SP100: variants seen among roughly 807,000 people sequenced by gnomAD.
SP100 encodes the protein nuclear autoantigen Sp-100.
A neutral mutation model predicts 130.0 loss-of-function variants in SP100; 84 were observed. The observed-to-expected ratio is 0.65, with a 90% CI of 0.54 to 0.77. The LOEUF is 0.77. Ranked by LOEUF, SP100 falls within the 30% of genes least tolerant of loss-of-function variation. SP100 has a pLI of 0.00. For missense variants in SP100, 978 were observed against 1,052.2 expected (o/e 0.93, Z 0.97); for synonymous variants, 331 against 351.7 (o/e 0.94, Z 0.66).
chr2:230,489,489 A>G (rs2066282654), intron 17 of SP100, among the ~76,000 whole-genome samples: 1 of 150,142 alleles, frequency 6.7e-6, no homozygotes, highest in Non-Finnish European at 1.5e-5. Context: ...GTTTTTTTGG[A>G]GAGTTTTTCA....
intron 2 of SP100, among the ~76,000 whole-genome samples, chr2:230,422,605 A>G (rs1189991312): frequency 6.6e-6 from 1 of 152,152 alleles, no homozygotes; most frequent in African/African-American, 2.4e-5. Context: ...ATATGCCCCT[A>G]TCTTCCAAAA....
At chr2:230,504,431 T>G in intron 21 of SP100, 141 bp downstream of exon 21, 1 of 572,206 alleles carries the variant, frequency 1.7e-6, no homozygotes, top group East Asian at 2.8e-5. Flanking sequence ...TTCCTAGGAC[T>G]TGGGACATCA....
intron 5 of SP100, among the ~76,000 whole-genome samples, chr2:230,448,752 A>C (rs961137547): frequency 3.9e-5 from 6 of 152,136 alleles, no homozygotes; most frequent in African/African-American, 1.4e-4. Flanking sequence ...ACTTCAAAGA[A>C]ACTGAGCTAA....
chr2:230,449,336 T>A (rs1164625757), intron 6 of SP100, 186 bp downstream of exon 6: 1 of 784,758 alleles, frequency 1.3e-6, no homozygotes, highest in Admixed American at 2.0e-5. Context: ...GGTTTCTTCC[T>A]CCCACACCCC....
At chr2:230,423,399 G>A (rs932087176) in intron 2 of SP100, among the ~76,000 whole-genome samples, 2 of 151,566 alleles carry the variant, frequency 1.3e-5, no homozygotes, top group Non-Finnish European at 2.9e-5. Context: ...TTGTTTTCTT[G>A]ATCAATCTTT....
intron 7 of SP100, 134 bp downstream of exon 7, chr2:230,449,844 G>T: frequency 2.1e-6 from 2 of 931,222 alleles, no homozygotes; most frequent in Non-Finnish European, 1.7e-6. Context: ...CACAGAGGGG[G>T]CCTGTTATAC....
At chr2:230,472,358 G>A (rs1381532373) in intron 15 of SP100, among the ~76,000 whole-genome samples, 1 of 148,520 alleles carries the variant, frequency 6.7e-6, no homozygotes, top group Admixed American at 6.8e-5. Flanking sequence ...AACCTTGGAG[G>A]CAGGTCTTGC....
At position 230,430,532 on chromosome 2, in the gene SP100, G is replaced by A. The variant is rs528913130; in HGVS notation, c.108-12405G>A. Among the ~76,000 whole-genome samples, 8 of 152,332 alleles carry A rather than the reference G, an allele frequency of 5.3e-5. No homozygotes were observed. The South Asian group carries it at 1.4e-3, about 28-fold the overall frequency. On this transcript the variant is annotated intron_variant, in intron 2 of 28. Coordinates refer to ENST00000340126, the MANE Select transcript of SP100 (RefSeq NM_001080391.2). ...GACCACAGAATATGCCCCTCCCTTAGGTCCTTGCTACAAGCTGGGCTCATC... is the reference window on the plus strand; with the variant it reads ...GACCACAGAATATGCCCCTCCCTTAAGTCCTTGCTACAAGCTGGGCTCATC...
Position 230,467,696 on chromosome 2 carries a change from C to T in SP100, c.1291+481C>T, listed in dbSNP as rs191009915. 2.9e-3 allele frequency among the ~76,000 whole-genome samples: 436 copies of T among 152,310 alleles called. 8 individuals are homozygous for T. Among genetic ancestry groups the T allele is most frequent in the Admixed American group, 0.024 (373 of 15,306 alleles). On this transcript the variant is annotated intron_variant, in intron 13 of 28. Transcript: ENST00000340126. Reference sequence around the variant, plus strand: ...ACAGGAAAGATCTCTCCCCATGATTCAATTACGTGCCACCAGGCCCCTCCC... The same window carrying T: ...ACAGGAAAGATCTCTCCCCATGATTTAATTACGTGCCACCAGGCCCCTCCC...
intron 8 of SP100, among the ~76,000 whole-genome samples, chr2:230,456,098 A>G (rs1017635507): frequency 1.3e-5 from 2 of 152,194 alleles, no homozygotes; most frequent in Non-Finnish European, 2.9e-5. Context: ...GTCTGGTGGT[A>G]ATGAATGTAT....
Position 230,514,301 on chromosome 2 carries a change from G to A in SP100, c.2094+3135G>A. ...GATTCACAGCATTAATAATTGACTA[G>A]CAGAAATATAATGCACACAAAAATT... On this transcript the variant is annotated intron_variant, in intron 24 of 28. Transcript: ENST00000340126. Among the ~76,000 whole-genome samples the A allele has an allele frequency of 1.3e-5, 2 of 152,122 alleles. 1 individual carries two copies. The highest frequency in any genetic ancestry group is 3.8e-4 in the East Asian group (2 of 5,200).
chr2:230,538,972 G>A, intron 24 of SP100: 3 of 254,650 alleles, frequency 1.2e-5, no homozygotes, highest in South Asian at 1.2e-4. Context: ...TCTGGGCCAG[G>A]TTTTCCCAGC....
intron 11 of SP100, 54 bp from the exon 12 acceptor site, chr2:230,466,247 G>T (rs1031321265): frequency 1.3e-5 from 11 of 871,208 alleles, no homozygotes; most frequent in Admixed American, 4.6e-5. Context: ...AGTTGTCATA[G>T]AATTTATAAG....
intron 5 of SP100, among the ~76,000 whole-genome samples, chr2:230,447,205 G>A (rs1394939409): frequency 1.3e-5 from 2 of 152,148 alleles, no homozygotes; most frequent in African/African-American, 2.4e-5. Flanking sequence ...AGTTGCAAAG[G>A]GTTAAGAACC....
intron 8 of SP100, among the ~76,000 whole-genome samples, chr2:230,450,504 T>G (rs542814248): frequency 1.2e-4 from 19 of 152,318 alleles, no homozygotes; most frequent in Non-Finnish European, 2.5e-4. Context: ...ACACAAAACC[T>G]ATTCTCTCAG....
rs773100808 is a variant in SP100 at position 230,466,354 on chromosome 2, G to T, written c.1195G>T (p.Val399Leu). Reference sequence around the variant, plus strand: ...ATTCAGAGAAAGTTTTAAGAAAAGAGGTAAGAGAAAGCTTTAGGAAAAGAG... The same window carrying T: ...ATTCAGAGAAAGTTTTAAGAAAAGATGTAAGAGAAAGCTTTAGGAAAAGAG... ...STFRESFKKRVIGQDHDFSES... is the reference protein window; with the variant it reads ...STFRESFKKRLIGQDHDFSES... Residue 399 changes from valine to leucine, a missense_variant and splice_region_variant, in exon 12 of 29, where the codon GTG becomes TTG. Val to Leu is a conservative substitution (Grantham distance 32). Transcript: ENST00000340126. 1 of 1,512,200 alleles carries T rather than the reference G, an allele frequency of 6.6e-7. No individual in the cohort carries two copies. The highest frequency in any genetic ancestry group is 1.1e-5 in the South Asian group (1 of 88,392). The allele number at this position is 1,512,200 out of a possible 1,614,324, so 93.7% of individuals were successfully genotyped here. A position where few individuals can be genotyped will look rare whatever the true frequency, so the allele number is the denominator to read the frequency against.
In SP100 at chr2:230,477,845, G is replaced by T. The variant is rs2065635170; in HGVS notation, c.1600+3398G>T. Among the ~76,000 whole-genome samples the T allele has an allele frequency of 2.0e-5, 3 of 150,130 alleles. No homozygotes were observed. The Admixed American group carries it at 2.0e-4, about 10-fold the overall frequency. On this transcript the variant is annotated intron_variant, in intron 17 of 28. Coordinates refer to ENST00000340126, the MANE Select transcript of SP100 (RefSeq NM_001080391.2). The stretch of plus-strand genomic sequence containing the variant: ...AGTTTCTCAGGAGGCTGAGGCAGGA[G>T]TATTGCTTGAACCCGGGAGGCAGAG...
chr2:230,467,185 G>C lies in SP100; in HGVS notation c.1261G>C (p.Gly421Arg), dbSNP rs376109285. 1.2e-6 allele frequency: 2 copies of C among 1,613,746 alleles called. No homozygotes were observed. The highest frequency in any genetic ancestry group is 1.7e-5 in the Admixed American group (1 of 60,008). The change falls in exon 13 of 29, where the codon GGG (glycine) becomes CGG (arginine). Residue 421 changes from glycine to arginine, a missense_variant. Coordinates refer to ENST00000340126, the MANE Select transcript of SP100 (RefSeq NM_001080391.2). ...GGAGGCGCCCGCAGAAGCCTCGAGC[G>C]GGGCACTGAGAAGCAAGCATGGTGA... ...EEEAPAEASS[G>R]ALRSKHGEKA...
At chr2:230,468,887 C>G in intron 13 of SP100, 156 bp from the exon 14 acceptor site, 1 of 466,372 alleles carries the variant, frequency 2.1e-6, no homozygotes, top group Non-Finnish European at 3.8e-6. Flanking sequence ...GGTCTGTGCT[C>G]CATTTGATAG....
Sources: allele counts gnomAD v4.1 joint callset (sites outside exome capture counted in the v4.1 genomes callset), GRCh38; gene constraint gnomAD v4.1.1; transcripts MANE v1.5; gene names NCBI Gene and HGNC (gene_info 2026-07-23, HGNC 2026-07-21).